Variants in ELAVL4 observed in about 807,000 individuals in gnomAD.
The protein encoded by ELAVL4 is ELAV like RNA binding protein 4.
A neutral mutation model predicts 35.6 loss-of-function variants in ELAVL4; 1 was observed. The observed-to-expected ratio is 0.03, with a 90% CI of 0.01 to 0.13. ELAVL4 has a LOEUF of 0.13. ELAVL4 is among the 10% of genes least tolerant of loss of function. ELAVL4 has a pLI of 1.00. For missense variants in ELAVL4, 267 were observed against 464.9 expected (o/e 0.57, Z 3.91); for synonymous variants, 156 against 171.0 (o/e 0.91, Z 0.69).
intron 1 of ELAVL4, among the ~76,000 whole-genome samples, chr1:50,088,937 T>G (rs1382417909): frequency 6.6e-6 from 1 of 152,192 alleles, no homozygotes; most frequent in Non-Finnish European, 1.5e-5. Flanking sequence ...TTACCAGGCT[T>G]GGCAATTGTT....
chr1:50,167,153 C>T (rs1479582496), intron 2 of ELAVL4, among the ~76,000 whole-genome samples: 1 of 152,120 alleles, frequency 6.6e-6, no homozygotes, highest in African/African-American at 2.4e-5. Flanking sequence ...GAACTTTGCC[C>T]CAGCCCTGCA....
chr1:50,152,849 A>C (rs189680084), intron 2 of ELAVL4, among the ~76,000 whole-genome samples: 2 of 152,242 alleles, frequency 1.3e-5, no homozygotes, highest in African/African-American at 4.8e-5. Context: ...GATAGAGATC[A>C]TATATTTGTA....
intron 1 of ELAVL4, among the ~76,000 whole-genome samples, chr1:50,126,557 GCA>G (rs1284925031): frequency 6.6e-6 from 1 of 152,100 alleles, no homozygotes; most frequent in African/African-American, 2.4e-5. Context: ...CAACTGGAAA[GCA>G]CTAGTTTTAG....
At chr1:50,063,290 T>G (rs140115330) in intron 1 of ELAVL4, among the ~76,000 whole-genome samples, 30 of 152,330 alleles carry the variant, frequency 2.0e-4, no homozygotes, top group African/African-American at 6.3e-4. Flanking sequence ...TTTTTATTAT[T>G]AATGATATTT....
chr1:50,056,712 G>A (rs922269579), intron 1 of ELAVL4, among the ~76,000 whole-genome samples: 3 of 152,136 alleles, frequency 2.0e-5, no homozygotes, highest in Non-Finnish European at 4.4e-5. Flanking sequence ...CAAGTCAGGC[G>A]GATCACGAGG....
At chr1:50,159,496 C>G (rs1047511408) in intron 2 of ELAVL4, among the ~76,000 whole-genome samples, 7 of 152,008 alleles carry the variant, frequency 4.6e-5, no homozygotes, top group Non-Finnish European at 1.0e-4. Context: ...GTAATACCAG[C>G]TACTTGGGGG....
intron 1 of ELAVL4, among the ~76,000 whole-genome samples, chr1:50,096,514 G>A (rs993928848): frequency 6.6e-6 from 1 of 151,154 alleles, no homozygotes; most frequent in African/African-American, 2.4e-5. Context: ...CTTAAATAAA[G>A]ACAAAATTTT....
chr1:50,158,866 C>A (rs2148746241), intron 2 of ELAVL4, among the ~76,000 whole-genome samples: 1 of 152,102 alleles, frequency 6.6e-6, no homozygotes, highest in East Asian at 1.9e-4. Context: ...TGGTGAAACT[C>A]CATCTCTACT....
rs1486322989 is a variant in ELAVL4 at position 50,203,463 on chromosome 1, T to A, written c.*2285T>A. On this transcript the variant is annotated 3_prime_UTR_variant, in exon 7 of 7. Transcript: ENST00000371824. ...CGTTCAACATTCAGGGAAAGCTTTT[T>A]ACGTCACCTGCTATGAATGAACGTA... The A allele has an allele frequency of 6.6e-6, 1 of 152,178 alleles. No homozygotes were observed. Among genetic ancestry groups the A allele is most frequent in the African/African-American group, 2.4e-5 (1 of 41,452 alleles). 9.4% of individuals were successfully genotyped at this position (152,178 alleles called of 1,614,324 possible).
chr1:50,103,765 G>T, upstream of ELAVL4: 1 of 655,780 alleles, frequency 1.5e-6, no homozygotes, highest in Non-Finnish European at 2.6e-6. Context: ...TGTGTGTGTG[G>T]ATATGTGAGT....
intron 1 of ELAVL4, among the ~76,000 whole-genome samples, chr1:50,111,025 C>G (rs1454118286): frequency 6.6e-6 from 1 of 151,710 alleles, no homozygotes; most frequent in Non-Finnish European, 1.5e-5. Flanking sequence ...GTGGCCAGCC[C>G]AACTTTAATT....
intron 1 of ELAVL4, chr1:50,109,919 G>T: frequency 6.2e-7 from 1 of 1,612,246 alleles, no homozygotes; most frequent in Non-Finnish European, 8.5e-7. Context: ...CTGTGTGAGG[G>T]TCCATCTTCT....
At chr1:50,166,548 A>G (rs1289977967) in intron 2 of ELAVL4, among the ~76,000 whole-genome samples, 2 of 152,206 alleles carry the variant, frequency 1.3e-5, no homozygotes, top group Admixed American at 1.3e-4. Context: ...ACCCATTTGT[A>G]TTCCCTTTGC....
intron 4 of ELAVL4, among the ~76,000 whole-genome samples, chr1:50,195,116 C>T (rs925671370): frequency 6.6e-6 from 1 of 152,110 alleles, no homozygotes; most frequent in African/African-American, 2.4e-5. Flanking sequence ...AGGTACTATG[C>T]ACAAGGTACA....
At chr1:50,144,378 A>G (rs1038847412) in intron 1 of ELAVL4, 4 of 248,372 alleles carry the variant, frequency 1.6e-5, no homozygotes, top group Middle Eastern at 4.4e-4. Flanking sequence ...AAAAAAAAAG[A>G]CATTAGATGA....
chr1:50,106,639 T>A (rs1281915527), upstream of ELAVL4, among the ~76,000 whole-genome samples: 1 of 152,160 alleles, frequency 6.6e-6, no homozygotes, highest in South Asian at 2.1e-4. Context: ...TGAATTGTAC[T>A]ATTGGAAATG....
In ELAVL4 at chr1:50,072,359, A is replaced by C. The variant is rs182639734; in HGVS notation, c.18+24177A>C. Among the ~76,000 whole-genome samples, 4 of 152,300 alleles carry C rather than the reference A, an allele frequency of 2.6e-5. No homozygotes were observed. The East Asian group carries it at 7.7e-4, about 29-fold the overall frequency. ...AGAGAAACTGTAGGCTGGGTAATTCATGGATGCCTTTTGTACCTCTCTATG... is the reference window on the plus strand; with the variant it reads ...AGAGAAACTGTAGGCTGGGTAATTCCTGGATGCCTTTTGTACCTCTCTATG... On this transcript the variant is annotated intron_variant, in intron 1 of 6. Transcript: ENST00000448907.
chr1:50,177,533 G>T (rs1448650965), intron 3 of ELAVL4, among the ~76,000 whole-genome samples: 5 of 152,252 alleles, frequency 3.3e-5, no homozygotes, highest in Non-Finnish European at 4.4e-5. Context: ...AGCTGTTCCA[G>T]GCAGAGGAAA....
chr1:50,127,813 G>C (rs987651067), intron 1 of ELAVL4, among the ~76,000 whole-genome samples: 5 of 152,162 alleles, frequency 3.3e-5, no homozygotes, highest in African/African-American at 1.2e-4. Context: ...TCAAGCTCTA[G>C]TGACTGTTTT....
Sources: allele counts gnomAD v4.1 joint callset (sites outside exome capture counted in the v4.1 genomes callset), GRCh38; gene constraint gnomAD v4.1.1; transcripts MANE v1.5; gene names NCBI Gene and HGNC (gene_info 2026-07-23, HGNC 2026-07-21).